Variants in SUPT3H observed in about 807,000 individuals in gnomAD.
The protein encoded by SUPT3H is transcription initiation protein SPT3 homolog.
Under a neutral mutation model 44.3 loss-of-function variants are expected in SUPT3H, and 44 were observed. The observed-to-expected ratio is 0.99, with a 90% CI of 0.78 to 1.28. The LOEUF is 1.28. Ranked by LOEUF, SUPT3H falls within the 50% of genes most tolerant of loss-of-function variation. SUPT3H has a pLI of 0.00. For missense variants in SUPT3H, 380 were observed against 387.1 expected, an observed-to-expected ratio of 0.98 and a Z score of 0.15; for synonymous variants, 124 against 125.6, an observed-to-expected ratio of 0.99 and a Z score of 0.09.
intron 3 of SUPT3H, among the ~76,000 whole-genome samples, chr6:45,047,858 T>C (rs953955568): frequency 6.6e-6 from 1 of 152,148 alleles, no homozygotes; most frequent in Non-Finnish European, 1.5e-5. Context: ...TGTTCAGTAA[T>C]TTTTCATATA....
chr6:45,116,702 AT>A (rs1307624083), intron 2 of SUPT3H, among the ~76,000 whole-genome samples: 1 of 152,182 alleles, frequency 6.6e-6, no homozygotes, highest in Admixed American at 6.5e-5. Context: ...GCTAAACAGC[AT>A]CTGTTTTAAA....
intron 2 of SUPT3H, among the ~76,000 whole-genome samples, chr6:45,179,840 A>G (rs1404701792): frequency 2.6e-5 from 4 of 152,184 alleles, no homozygotes; most frequent in Non-Finnish European, 1.5e-5. Context: ...CACCACTCCT[A>G]TTCAACATAG....
At chr6:45,243,550 T>A (rs540939930) in intron 2 of SUPT3H, among the ~76,000 whole-genome samples, 7 of 152,028 alleles carry the variant, frequency 4.6e-5, no homozygotes, top group Admixed American at 1.3e-4. Flanking sequence ...ATACAAGAGA[T>A]TGTAAAAGAA....
At chr6:44,887,599 T>C (rs1762533115) in intron 10 of SUPT3H, among the ~76,000 whole-genome samples, 1 of 151,778 alleles carries the variant, frequency 6.6e-6, no homozygotes, top group Non-Finnish European at 1.5e-5. Flanking sequence ...TACCAGAATC[T>C]CTGGGACACA....
intron 3 of SUPT3H, among the ~76,000 whole-genome samples, chr6:45,065,584 G>C (rs1401892666): frequency 2.6e-5 from 4 of 151,562 alleles, no homozygotes; most frequent in Non-Finnish European, 5.9e-5. Flanking sequence ...AAGAAAAAAA[G>C]AGACAAGAAT....
intron 3 of SUPT3H, among the ~76,000 whole-genome samples, chr6:45,038,826 A>C (rs1397509522): frequency 6.6e-6 from 1 of 152,196 alleles, no homozygotes; most frequent in Non-Finnish European, 1.5e-5. Context: ...AAAACTTGAT[A>C]AGGACTAATT....
intron 2 of SUPT3H, among the ~76,000 whole-genome samples, chr6:45,282,754 G>A (rs911598475): frequency 5.3e-5 from 8 of 152,080 alleles, no homozygotes; most frequent in African/African-American, 9.7e-5. Flanking sequence ...GATACTCCTC[G>A]AGAAGAGCAA....
rs140855655 is a variant in SUPT3H, at chr6:45,329,572, G to A, written c.101+35629C>T. ...TATAAACACACTGAAACACTGAAAC[G>A]TCTAAGATTCTTTTAATCACATTCT... On this transcript the variant is annotated intron_variant, in intron 2 of 10. Coordinates refer to ENST00000371459, the MANE Select transcript of SUPT3H (RefSeq NM_003599.4). Among the ~76,000 whole-genome samples the A allele has an allele frequency of 3.6e-3, 543 of 151,940 alleles. 18 individuals carry two copies. The highest frequency in any genetic ancestry group is 0.03 in the Admixed American group (451 of 15,208).
chr6:44,949,370 C>T (rs55864280), intron 9 of SUPT3H, among the ~76,000 whole-genome samples: 30,447 of 151,128 alleles, frequency 0.2, 3,835 homozygotes, highest in Non-Finnish European at 0.29. Context: ...GCACATGTAC[C>T]CTAGAACTTA....
At chr6:44,936,421 G>A (rs1418360823) in intron 9 of SUPT3H, among the ~76,000 whole-genome samples, 1 of 152,052 alleles carries the variant, frequency 6.6e-6, no homozygotes, top group African/African-American at 2.4e-5. Flanking sequence ...TAAAGTTAGG[G>A]CTTTTAGGAT....
intron 2 of SUPT3H, among the ~76,000 whole-genome samples, chr6:45,130,846 T>A (rs1167342334): frequency 3.3e-5 from 5 of 151,426 alleles, no homozygotes; most frequent in Admixed American, 3.3e-4. Flanking sequence ...GCCTCCCAAG[T>A]AGCTGGGATT....
intron 2 of SUPT3H, among the ~76,000 whole-genome samples, chr6:45,293,367 C>A (rs1264882949): frequency 6.6e-6 from 1 of 152,038 alleles, no homozygotes. Flanking sequence ...TAGCCCTAAA[C>A]ACCAACATCA....
rs948425476 is a variant in SUPT3H, at chr6:44,843,926, C to T, written c.913-14069G>A. ...CCAAACACACACACACACACACACACGCACACACACACACACACACACACA... is the reference window on the plus strand; with the variant it reads ...CCAAACACACACACACACACACACATGCACACACACACACACACACACACA... On this transcript the variant is annotated intron_variant, in intron 10 of 10. Transcript: ENST00000371459. Among the ~76,000 whole-genome samples, 10 of 49,334 alleles carry T rather than the reference C, an allele frequency of 2.0e-4. No individual in the cohort carries two copies. In the East Asian group the frequency reaches 3.6e-3, roughly 18 times the overall value. The allele number at this position is 49,334 out of a possible 152,430, so 32.4% of individuals were successfully genotyped here.
At chr6:44,895,442 A>G (rs1016062019) in intron 10 of SUPT3H, among the ~76,000 whole-genome samples, 2 of 152,088 alleles carry the variant, frequency 1.3e-5, no homozygotes, top group African/African-American at 4.8e-5. Context: ...GATAATTATT[A>G]AAGCTGATTT....
chr6:45,183,112 T>C (rs1021465529), intron 2 of SUPT3H, among the ~76,000 whole-genome samples: 5 of 152,234 alleles, frequency 3.3e-5, no homozygotes, highest in African/African-American at 1.2e-4. Flanking sequence ...AAATGTGGTA[T>C]ATGCATACAA....
rs529561788 is a variant in SUPT3H at position 45,072,598 on chromosome 6, G to T, written c.186+33324C>A. Among the ~76,000 whole-genome samples, 6 of 152,162 alleles carry T rather than the reference G, an allele frequency of 3.9e-5. No homozygotes were observed. The South Asian group carries it at 1.2e-3, about 32-fold the overall frequency. ...AAAGTTCTTTTAGATTCAAGGCATAGATTATCATTATAGATCATACTTGGG... is the reference window on the plus strand; with the variant it reads ...AAAGTTCTTTTAGATTCAAGGCATATATTATCATTATAGATCATACTTGGG... On this transcript the variant is annotated intron_variant, in intron 3 of 10. Transcript: ENST00000371459.
intron 2 of SUPT3H, among the ~76,000 whole-genome samples, chr6:45,272,812 T>C (rs1034503654): frequency 6.6e-6 from 1 of 152,188 alleles, no homozygotes; most frequent in African/African-American, 2.4e-5. Flanking sequence ...GTTATCATTC[T>C]TTGGCCCTCC....
chr6:45,115,251 G>A (rs13210840), intron 2 of SUPT3H, among the ~76,000 whole-genome samples: 1 of 152,076 alleles, frequency 6.6e-6, no homozygotes, highest in Admixed American at 6.5e-5. Flanking sequence ...TAAGCGTCAA[G>A]ATTACTTGGT....
chr6:45,069,285 C>T (rs984983800), intron 3 of SUPT3H, among the ~76,000 whole-genome samples: 4 of 152,124 alleles, frequency 2.6e-5, no homozygotes, highest in African/African-American at 9.7e-5. Context: ...AAACAACATT[C>T]TAGGACTCTG....
Sources: gnomAD v4.1 joint callset for allele counts (sites outside exome capture counted in the v4.1 genomes callset) on GRCh38, gnomAD v4.1.1 for gene constraint, MANE v1.5 for transcripts, NCBI Gene and HGNC (gene_info 2026-07-23, HGNC 2026-07-21) for gene names.